Variants in NRG1 observed in about 807,000 individuals in gnomAD.
The protein encoded by NRG1 is neuregulin 1.
A neutral mutation model predicts 63.8 loss-of-function variants in NRG1; 18 were observed. The ratio of observed to expected loss-of-function variants is 0.28; its 90% CI spans 0.19 to 0.42. NRG1 has a LOEUF of 0.42. NRG1 is among the 10% of genes least tolerant of loss of function. NRG1 has a pLI of 1.00. For synonymous variants in NRG1, 302 were observed against 301.3 expected (o/e 1.00, Z -0.02); for missense variants, 762 against 814.7 (o/e 0.94, Z 0.79).
Position 32,611,784 on chromosome 8 carries a change from A to C in NRG1, c.401-2730A>C, listed in dbSNP as rs1490419328. On this transcript the variant is annotated intron_variant, in intron 3 of 11. Transcript: ENST00000356819. Reference sequence around the variant, plus strand: ...TTTGGTAAAAAAGTCACATAAGTGAATGTTGGAATACACACAGACACATTT... The same window carrying C: ...TTTGGTAAAAAAGTCACATAAGTGACTGTTGGAATACACACAGACACATTT... 2.0e-5 allele frequency among the ~76,000 whole-genome samples: 3 copies of C among 152,114 alleles called. No homozygotes were observed. The East Asian group carries it at 5.8e-4, about 29-fold the overall frequency.
intron 1 of NRG1, among the ~76,000 whole-genome samples, chr8:31,944,398 G>A (rs1189429053): frequency 6.6e-6 from 1 of 152,174 alleles, no homozygotes; most frequent in African/African-American, 2.4e-5. Context: ...AGAACGATAT[G>A]CAGAGAAGTG....
chr8:32,744,242 G>T (rs1827031641), intron 7 of NRG1, among the ~76,000 whole-genome samples: 1 of 152,026 alleles, frequency 6.6e-6, no homozygotes, highest in Admixed American at 6.6e-5. Flanking sequence ...GTTAAGATTA[G>T]ACCCGTAATG....
intron 1 of NRG1, among the ~76,000 whole-genome samples, chr8:32,163,028 C>A (rs7826567): frequency 0.037 from 5,589 of 152,130 alleles, 187 homozygotes; most frequent in African/African-American, 0.085. Flanking sequence ...CAATGTGTAT[C>A]CAATGAACCA....
chr8:31,666,456 A>G (rs7463426), intron 1 of NRG1, among the ~76,000 whole-genome samples: 32,956 of 152,102 alleles, frequency 0.22, 4,334 homozygotes, highest in East Asian at 0.59. Flanking sequence ...CACTGGGGAA[A>G]AAAGAAATAC....
At chr8:32,501,529 T>G (rs188395460) in intron 1 of NRG1, among the ~76,000 whole-genome samples, 175 of 152,320 alleles carry the variant, frequency 1.1e-3, no homozygotes, top group Middle Eastern at 3.4e-3. Flanking sequence ...TCAAGAAGAC[T>G]TCATTTGGAA....
intron 1 of NRG1, among the ~76,000 whole-genome samples, chr8:31,693,066 C>T (rs1254002840): frequency 6.6e-6 from 1 of 152,166 alleles, no homozygotes; most frequent in Non-Finnish European, 1.5e-5. Context: ...CTTAGCTAAT[C>T]TCCAGGTCAA....
intron 5 of NRG1, among the ~76,000 whole-genome samples, chr8:32,621,860 C>T (rs1183562152): frequency 6.6e-6 from 1 of 152,298 alleles, no homozygotes; most frequent in Middle Eastern, 3.4e-3. Context: ...CAGTGGACTG[C>T]TATGTCACAT....
At chr8:32,719,722 G>T (rs1224520974) in intron 5 of NRG1, among the ~76,000 whole-genome samples, 1 of 151,598 alleles carries the variant, frequency 6.6e-6, no homozygotes, top group Non-Finnish European at 1.5e-5. Flanking sequence ...TTCACTCTTT[G>T]TTTGATTCTA....
intron 1 of NRG1, among the ~76,000 whole-genome samples, chr8:32,045,402 T>A (rs1820841603): frequency 6.6e-6 from 1 of 151,942 alleles, no homozygotes. Context: ...ATGTTAATTC[T>A]ACTGAGTTGA....
At chr8:32,394,905 AC>A (rs1256529448) in intron 1 of NRG1, among the ~76,000 whole-genome samples, 1 of 152,162 alleles carries the variant, frequency 6.6e-6, no homozygotes, top group Non-Finnish European at 1.5e-5. Context: ...CTCATGTGGC[AC>A]CTTTTACAAG....
intron 5 of NRG1, among the ~76,000 whole-genome samples, chr8:32,714,245 G>A (rs988460563): frequency 2.6e-5 from 4 of 152,146 alleles, no homozygotes; most frequent in Non-Finnish European, 5.9e-5. Context: ...AAATGACATG[G>A]TGTTATGTTC....
chr8:32,097,469 G>T (rs1587120470), intron 1 of NRG1, among the ~76,000 whole-genome samples: 1 of 152,058 alleles, frequency 6.6e-6, no homozygotes, highest in South Asian at 2.1e-4. Context: ...GCGTATAAAA[G>T]TTCCATTTTC....
intron 1 of NRG1, among the ~76,000 whole-genome samples, chr8:32,446,999 TTTTA>T (rs67102016): frequency 3.6e-4 from 53 of 146,420 alleles, no homozygotes; most frequent in East Asian, 1.6e-3. Flanking sequence ...CTAAAATACT[TTTTA>T]TTTATTTATT....
intron 1 of NRG1, chr8:32,063,499 T>C (rs899004): frequency 0.52 from 79,642 of 151,924 alleles, 21,562 homozygotes; most frequent in South Asian, 0.6. Context: ...CTTGGAACAA[T>C]AGATGTAAAA....
At chr8:32,378,269 G>C (rs2129483171) in intron 1 of NRG1, among the ~76,000 whole-genome samples, 1 of 152,226 alleles carries the variant, frequency 6.6e-6, no homozygotes, top group East Asian at 1.9e-4. Context: ...AATTTCAAGA[G>C]GGTAATAGTA....
intron 1 of NRG1, among the ~76,000 whole-genome samples, chr8:32,218,729 CAT>C (rs1446581695): frequency 6.6e-6 from 1 of 152,192 alleles, no homozygotes; most frequent in Non-Finnish European, 1.5e-5. Flanking sequence ...GTCACTTCTT[CAT>C]TGTATGTGTC....
chr8:32,763,933 G>A, exon 12 of NRG1: 3 of 1,614,000 alleles, frequency 1.9e-6, no homozygotes, highest in Non-Finnish European at 2.5e-6. Flanking sequence ...ACACCACCAA[G>A]GCTGCGGGAG....
intron 1 of NRG1, among the ~76,000 whole-genome samples, chr8:31,804,352 C>T (rs1042609097): frequency 6.6e-6 from 1 of 152,164 alleles, no homozygotes; most frequent in East Asian, 1.9e-4. Context: ...AATTGGCATC[C>T]TCTGAAGTTG....
At chr8:31,838,813 T>C (rs1283840262) in intron 1 of NRG1, among the ~76,000 whole-genome samples, 1 of 152,192 alleles carries the variant, frequency 6.6e-6, no homozygotes, top group East Asian at 1.9e-4. Context: ...ATTTTATGTT[T>C]TCCAAAGACC....
Sources: allele counts gnomAD v4.1 joint callset (sites outside exome capture counted in the v4.1 genomes callset), GRCh38; gene constraint gnomAD v4.1.1; transcripts MANE v1.5; gene names NCBI Gene and HGNC (gene_info 2026-07-23, HGNC 2026-07-21).